Variants in CORO7 observed in about 807,000 individuals in gnomAD.
CORO7 encodes coronin 7, also known as coronin-7.
A neutral mutation model predicts 126.6 loss-of-function variants in CORO7; 107 were observed. The ratio of observed to expected loss-of-function variants is 0.85; its 90% confidence interval spans 0.72 to 0.99. The LOEUF is 0.99. CORO7 is among the 50% of genes least tolerant of loss of function. CORO7 has a pLI of 0.00. For synonymous variants in CORO7, 603 were observed against 536.8 expected (o/e 1.12, Z -1.70); for missense variants, 1,314 against 1,255.8 (o/e 1.05, Z -0.70).
chr16:4,410,462 C>G (rs1361348006), intron 3 of CORO7, among the ~76,000 whole-genome samples: 1 of 152,128 alleles, frequency 6.6e-6, no homozygotes, highest in Admixed American at 6.5e-5. Flanking sequence ...TCCTATAGAC[C>G]TGGGTTCTGA....
At chr16:4,397,875 A>G (rs1406468746) in intron 6 of CORO7, among the ~76,000 whole-genome samples, 1 of 152,118 alleles carries the variant, frequency 6.6e-6, no homozygotes, top group Non-Finnish European at 1.5e-5. Flanking sequence ...TTGGCCTCCC[A>G]AAGTGCTGGG....
intron 9 of CORO7, among the ~76,000 whole-genome samples, chr16:4,380,231 A>AT (rs944303163): frequency 3.6e-4 from 55 of 152,070 alleles, no homozygotes; most frequent in African/African-American, 1.3e-3. Flanking sequence ...GACACCTGCC[A>AT]ATGCCTGTGG....
chr16:4,402,283 T>C (rs1029746528), intron 6 of CORO7, among the ~76,000 whole-genome samples: 1 of 150,836 alleles, frequency 6.6e-6, no homozygotes, highest in African/African-American at 2.5e-5. Flanking sequence ...AGAGAGAGGG[T>C]CTTGCTCCAT....
chr16:4,387,863 G>A, intron 9 of CORO7, 123 bp downstream of exon 9: 1 of 1,270,248 alleles, frequency 7.9e-7, no homozygotes, highest in Non-Finnish European at 1.1e-6. Context: ...TTGCAGCCCA[G>A]ATCAGGTACC....
chr16:4,405,707 C>T (rs570953522), intron 5 of CORO7, 140 bp from the exon 6 acceptor site: 1 of 964,734 alleles, frequency 1.0e-6, no homozygotes. Context: ...GCAAGGGCAG[C>T]AGCTTCTCCC....
chr16:4,377,014 C>T (rs2054757054), intron 9 of CORO7, among the ~76,000 whole-genome samples: 1 of 152,192 alleles, frequency 6.6e-6, no homozygotes, highest in African/African-American at 2.4e-5. Flanking sequence ...ACCAAGTCAC[C>T]CCAGACACAG....
At chr16:4,381,742 C>G (rs371016547) in intron 9 of CORO7, 3 of 1,604,856 alleles carry the variant, frequency 1.9e-6, no homozygotes, top group South Asian at 1.1e-5. Context: ...CCTCTTCCCC[C>G]GCCTGCGGCT....
At chr16:4,359,417 C>A (rs776338024) in intron 22 of CORO7, 32 bp from the exon 23 acceptor site, 2 of 1,613,462 alleles carry the variant, frequency 1.2e-6, no homozygotes, top group Non-Finnish European at 1.7e-6. Flanking sequence ...GGGAACCCTC[C>A]GGCAACACTG....
intron 11 of CORO7, 30 bp from the exon 12 acceptor site, chr16:4,364,950 G>C: frequency 6.2e-7 from 1 of 1,608,060 alleles, no homozygotes. Flanking sequence ...GGAACAGGCA[G>C]GATGGGCAGG....
Position 4,362,895 on chromosome 16 carries a change from A to G in CORO7, c.1276-157T>C. The G allele has an allele frequency of 1.2e-6, 1 of 849,996 alleles. No homozygotes were observed. The highest frequency in any genetic ancestry group is 1.6e-6 in the Non-Finnish European group (1 of 635,732). The allele number at this position is 849,996 out of a possible 1,614,324, so 52.7% of individuals were successfully genotyped here. ...CAGGAGCGGCGGGGGGCACGGGCAT[A>G]AACGCAGACACACAGGGAAGCAGCC... On this transcript the variant is annotated intron_variant, in intron 14 of 27. Transcript: ENST00000251166. The surrounding 1 kb of genome is among the most constrained non-coding windows in gnomAD (Gnocchi z 5.3).
At position 4,405,535 on chromosome 16, in the gene CORO7, C is replaced by T. The variant is rs536557871; in HGVS notation, c.520G>A (p.Ala174Thr). The T allele has an allele frequency of 1.2e-5, 19 of 1,612,784 alleles. No homozygotes were observed. Among genetic ancestry groups the T allele is most frequent in the East Asian group, 1.1e-4 (5 of 44,880 alleles). The change falls in exon 6 of 28, where the codon GCC becomes ACC. Residue 174 changes from alanine (A) to threonine (T), a missense_variant. Physicochemically the swap from Ala to Thr is moderately conservative, Grantham distance 58. Coordinates refer to ENST00000251166, the MANE Select transcript of CORO7 (RefSeq NM_024535.5). The part of the protein sequence containing the change: ...LAAHGDLVQS[A>T]VWSRDGALVG... ...AGGGCTCCATCTCGGCTCCAGACGGCGCTCTGCACCAGGTCCCCATGGGCT... is the reference window on the plus strand; with the variant it reads ...AGGGCTCCATCTCGGCTCCAGACGGTGCTCTGCACCAGGTCCCCATGGGCT...
At chr16:4,413,045 C>T (rs145421358) in intron 2 of CORO7, 519 of 400,982 alleles carry the variant, frequency 1.3e-3, no homozygotes, top group African/African-American at 9.7e-3. Context: ...GAAATACAAG[C>T]GTCAGTCCCC....
rs79630581 is a variant in CORO7 at position 4,366,138 on chromosome 16, C to T, written c.786-593G>A. ...AAAGTTCCTGTGTCCAAATCTGAGCCACGTGCCCGGGAGAAGGGGCTCCTC... is the reference window on the plus strand; with the variant it reads ...AAAGTTCCTGTGTCCAAATCTGAGCTACGTGCCCGGGAGAAGGGGCTCCTC... On this transcript the variant is annotated intron_variant, in intron 9 of 27. Coordinates refer to ENST00000251166, the MANE Select transcript of CORO7 (RefSeq NM_024535.5). Among the ~76,000 whole-genome samples the T allele has an allele frequency of 9.8e-5, 15 of 152,306 alleles. No homozygotes were observed. In the East Asian group the frequency reaches 2.9e-3, roughly 29 times the overall value.
chr16:4,411,919 T>C (rs2056226526), intron 3 of CORO7, among the ~76,000 whole-genome samples: 1 of 151,554 alleles, frequency 6.6e-6, no homozygotes, highest in Non-Finnish European at 1.5e-5. Context: ...ACAAAAGGTC[T>C]CTTTGTGAGG....
intron 6 of CORO7, among the ~76,000 whole-genome samples, chr16:4,395,985 GCATGCACACGT>G (rs2055573117): frequency 2.0e-5 from 1 of 50,462 alleles, no homozygotes; most frequent in South Asian, 4.4e-4. Flanking sequence ...ATGTGTGTGT[GCATGCACACGT>G]TGTGTGTGTG....
At chr16:4,381,903 T>C in intron 9 of CORO7, 2 of 1,606,204 alleles carry the variant, frequency 1.2e-6, no homozygotes, top group African/African-American at 1.3e-5. Flanking sequence ...TCCTGGAGCT[T>C]GACTACGCCG....
rs1395158521 is a variant in CORO7 at position 4,416,534 on chromosome 16, G to A, written c.-16C>T. The A allele has an allele frequency of 2.5e-6, 4 of 1,570,952 alleles. No homozygotes were observed. Among genetic ancestry groups the A allele is most frequent in the African/African-American group, 1.4e-5 (1 of 70,658 alleles). On this transcript the variant is annotated 5_prime_UTR_variant, in exon 1 of 28. Transcript: ENST00000251166. Reference sequence around the variant, plus strand: ...AGCGGTTCATGGCGACGGGCACGGCGGCGGACGCGTCTTCGAGGACCCCGG... The same window carrying A: ...AGCGGTTCATGGCGACGGGCACGGCAGCGGACGCGTCTTCGAGGACCCCGG...
At chr16:4,371,690 C>T in intron 9 of CORO7, among the ~76,000 whole-genome samples, 1 of 152,252 alleles carries the variant, frequency 6.6e-6, no homozygotes, top group East Asian at 1.9e-4. Flanking sequence ...CAGGTGGCCG[C>T]AGGGTGAGGG....
chr16:4,400,149 CCATAGAA>C (rs2055746783), intron 6 of CORO7, among the ~76,000 whole-genome samples: 1 of 152,148 alleles, frequency 6.6e-6, no homozygotes, highest in African/African-American at 2.4e-5. Flanking sequence ...TTATCACAAC[CCATAGAA>C]CATACAACAC....
Sources: gnomAD v4.1 joint callset for allele counts (sites outside exome capture counted in the v4.1 genomes callset) on GRCh38, gnomAD v4.1.1 for gene constraint, Gnocchi (gnomAD v3.1) non-coding constraint, MANE v1.5 for transcripts, NCBI Gene and HGNC (gene_info 2026-07-23, HGNC 2026-07-21) for gene names.